SORCS3: variants seen among roughly 807,000 people sequenced by gnomAD.
SORCS3 encodes VPS10 domain-containing receptor SorCS3.
In SORCS3, 57 loss-of-function variants were observed where a neutral mutation model predicts 146.3. The ratio of observed to expected loss-of-function variants is 0.39; its 90% CI spans 0.31 to 0.49. The LOEUF (loss-of-function observed/expected upper bound fraction) is 0.49. SORCS3 is among the 20% of genes least tolerant of loss of function. The pLI is 0.92. For missense variants in SORCS3, 1,341 were observed against 1,575.5 expected (o/e 0.85, Z 2.52); for synonymous variants, 653 against 618.5 (o/e 1.06, Z -0.83).
intron 14 of SORCS3, among the ~76,000 whole-genome samples, chr10:105,189,889 A>T (rs748668120): frequency 3.9e-5 from 6 of 152,242 alleles, no homozygotes; most frequent in African/African-American, 7.2e-5. Context: ...CATAGCTCAG[A>T]GTCAACTACA....
At chr10:105,020,182 G>T (rs1382490008) in intron 4 of SORCS3, among the ~76,000 whole-genome samples, 1 of 152,120 alleles carries the variant, frequency 6.6e-6, no homozygotes, top group Non-Finnish European at 1.5e-5. Flanking sequence ...AAGCTTTTTG[G>T]CTCTGTTATT....
intron 4 of SORCS3, among the ~76,000 whole-genome samples, chr10:105,016,524 T>C (rs1332046063): frequency 6.6e-6 from 1 of 152,030 alleles, no homozygotes; most frequent in East Asian, 1.9e-4. Context: ...GAAGAAATTG[T>C]AGAGCTGAAA....
chr10:104,825,902 C>T (rs2017929896), intron 1 of SORCS3, among the ~76,000 whole-genome samples: 1 of 152,148 alleles, frequency 6.6e-6, no homozygotes, highest in Non-Finnish European at 1.5e-5. Context: ...TCACAGTCTC[C>T]TTGTTTCAAC....
chr10:104,878,535 T>C (rs908998856), intron 2 of SORCS3, among the ~76,000 whole-genome samples: 2 of 152,180 alleles, frequency 1.3e-5, no homozygotes, highest in Admixed American at 6.5e-5. Context: ...TAATTGTGTG[T>C]GCACACAAGC....
At chr10:104,846,653 C>A (rs1564697062) in intron 2 of SORCS3, among the ~76,000 whole-genome samples, 1 of 152,206 alleles carries the variant, frequency 6.6e-6, no homozygotes, top group Non-Finnish European at 1.5e-5. Flanking sequence ...ATCTTGTGCC[C>A]TTGTGACATT....
At chr10:104,753,936 A>G (rs529473740) in intron 1 of SORCS3, among the ~76,000 whole-genome samples, 1 of 152,340 alleles carries the variant, frequency 6.6e-6, no homozygotes, top group Non-Finnish European at 1.5e-5. Context: ...GAGAATGTAT[A>G]TATCTGGAAG....
chr10:105,032,421 C>G (rs1348027094), intron 4 of SORCS3, among the ~76,000 whole-genome samples: 1 of 152,112 alleles, frequency 6.6e-6, no homozygotes, highest in Non-Finnish European at 1.5e-5. Flanking sequence ...TCAGGGAAAT[C>G]CTCCATATAT....
intron 1 of SORCS3, among the ~76,000 whole-genome samples, chr10:104,738,421 G>T (rs1160577471): frequency 6.6e-6 from 1 of 152,166 alleles, no homozygotes; most frequent in Non-Finnish European, 1.5e-5. Flanking sequence ...TCATCTTGAA[G>T]GAGCAGTTTA....
intron 5 of SORCS3, among the ~76,000 whole-genome samples, chr10:105,074,023 G>A (rs1250409632): frequency 6.6e-6 from 1 of 152,138 alleles, no homozygotes; most frequent in Non-Finnish European, 1.5e-5. Context: ...CACTTAAACT[G>A]TCCTTCAGTA....
intron 1 of SORCS3, among the ~76,000 whole-genome samples, chr10:104,825,184 G>C (rs1441111518): frequency 2.0e-5 from 3 of 152,144 alleles, no homozygotes; most frequent in African/African-American, 7.2e-5. Context: ...CAAATGACCT[G>C]GTTTGCTCAG....
chr10:104,678,897 C>T (rs1241296942), intron 1 of SORCS3, among the ~76,000 whole-genome samples: 3 of 152,116 alleles, frequency 2.0e-5, no homozygotes, highest in Non-Finnish European at 2.9e-5. Flanking sequence ...TGAGGGAAAG[C>T]AGGACAGGGA....
intron 7 of SORCS3, among the ~76,000 whole-genome samples, chr10:105,113,649 T>C (rs2055873658): frequency 6.6e-6 from 1 of 152,168 alleles, no homozygotes; most frequent in South Asian, 2.1e-4. Flanking sequence ...ATTTTCCTAT[T>C]GACTAGGAGG....
At chr10:104,826,286 C>T (rs1223912855) in intron 1 of SORCS3, among the ~76,000 whole-genome samples, 1 of 152,134 alleles carries the variant, frequency 6.6e-6, no homozygotes. Flanking sequence ...GTATTTGTTC[C>T]TCTCTTGTAT....
At chr10:104,767,173 G>A (rs1564678738) in intron 1 of SORCS3, among the ~76,000 whole-genome samples, 1 of 152,188 alleles carries the variant, frequency 6.6e-6, no homozygotes, top group Non-Finnish European at 1.5e-5. Context: ...CAGCTTAAGT[G>A]TAAGCCCTCT....
intron 1 of SORCS3, among the ~76,000 whole-genome samples, chr10:104,783,631 G>A (rs2017399610): frequency 6.6e-6 from 1 of 152,196 alleles, no homozygotes; most frequent in Admixed American, 6.5e-5. Flanking sequence ...GAAGGCTGAG[G>A]TGGAAGAATT....
chr10:104,660,119 G>A (rs980132588), intron 1 of SORCS3, among the ~76,000 whole-genome samples: 1 of 152,196 alleles, frequency 6.6e-6, no homozygotes, highest in East Asian at 1.9e-4. Flanking sequence ...GATGATAGGA[G>A]GGTGGAGATG....
chr10:104,884,859 C>A (rs577599647), intron 2 of SORCS3, among the ~76,000 whole-genome samples: 1 of 151,540 alleles, frequency 6.6e-6, no homozygotes, highest in Admixed American at 6.6e-5. Context: ...TTTTTTCCTC[C>A]TATGTCCCTC....
chr10:104,843,029 C>T (rs953012371), intron 2 of SORCS3, among the ~76,000 whole-genome samples, 170 bp downstream of exon 2: 1 of 152,188 alleles, frequency 6.6e-6, no homozygotes, highest in Non-Finnish European at 1.5e-5. Flanking sequence ...GAATTCCTTT[C>T]CTGCTCTGCT....
At chr10:104,928,263 A>T (rs762814062) in intron 3 of SORCS3, among the ~76,000 whole-genome samples, 4 of 152,150 alleles carry the variant, frequency 2.6e-5, no homozygotes, top group Non-Finnish European at 4.4e-5. Flanking sequence ...AAGGCTGGCG[A>T]CCAGCCTCTC....
Sources: allele counts gnomAD v4.1 joint callset (sites outside exome capture counted in the v4.1 genomes callset), GRCh38; gene constraint gnomAD v4.1.1; transcripts MANE v1.5; gene names NCBI Gene and HGNC (gene_info 2026-07-23, HGNC 2026-07-21).